The following CNBD1 variants were observed in gnomAD, a reference collection of about 807,000 sequenced individuals.
The protein encoded by CNBD1 is cyclic nucleotide binding domain containing 1, also known as cyclic nucleotide-binding domain-containing protein 1.
CNBD1 carries 71 observed loss-of-function variants against 54.4 expected under a neutral mutation model. That is an observed-to-expected ratio of 1.30 (90% CI 1.08 to 1.59). The LOEUF is 1.59. Among genes scored for constraint, CNBD1 ranks in the 40% most tolerant of loss-of-function variants. CNBD1 has a pLI of 0.00. For missense variants in CNBD1, 659 were observed against 518.0 expected (o/e 1.27, Z -2.64); for synonymous variants, 182 against 170.7 (o/e 1.07, Z -0.51).
At chr8:87,019,898 T>G (rs1404356574) in intron 4 of CNBD1, among the ~76,000 whole-genome samples, 1 of 152,036 alleles carries the variant, frequency 6.6e-6, no homozygotes, top group Non-Finnish European at 1.5e-5. Context: ...AAAGATTACA[T>G]TTATTAAATT....
intron 4 of CNBD1, among the ~76,000 whole-genome samples, chr8:87,194,698 T>A (rs996759455): frequency 6.6e-6 from 1 of 152,208 alleles, no homozygotes; most frequent in African/African-American, 2.4e-5. Context: ...AATTCCATTT[T>A]AAATGAGTAA....
At chr8:87,173,816 G>A (rs1811155164) in intron 4 of CNBD1, among the ~76,000 whole-genome samples, 1 of 151,772 alleles carries the variant, frequency 6.6e-6, no homozygotes, top group Non-Finnish European at 1.5e-5. Context: ...GGTTTGGAAA[G>A]TTTCTGTTAT....
In CNBD1 at chr8:87,342,287, A is replaced by T. The variant is rs561284460; in HGVS notation, c.1043-9398A>T. Among the ~76,000 whole-genome samples the T allele has an allele frequency of 5.3e-5, 8 of 152,062 alleles. No individual in the cohort carries two copies. In the South Asian group the frequency reaches 1.7e-3, roughly 32 times the overall value. On this transcript the variant is annotated intron_variant, in intron 8 of 10. Transcript: ENST00000518476. ...GACTCCATCTCAAAAAGAAAAAAAAAAAAAAGAAAACTCATCTGTGTACTC... is the reference window on the plus strand; with the variant it reads ...GACTCCATCTCAAAAAGAAAAAAAATAAAAAGAAAACTCATCTGTGTACTC...
intron 2 of CNBD1, among the ~76,000 whole-genome samples, chr8:87,423,595 T>G (rs1414870932): frequency 1.1e-4 from 16 of 147,660 alleles, no homozygotes; most frequent in African/African-American, 2.1e-4. Flanking sequence ...TTTGCGTATA[T>G]TGAACCAGCC....
chr8:87,277,063 G>T (rs186123111), intron 6 of CNBD1, among the ~76,000 whole-genome samples: 1 of 141,656 alleles, frequency 7.1e-6, no homozygotes, highest in African/African-American at 2.7e-5. Flanking sequence ...GAATCATGAT[G>T]GGTCATTTAT....
intron 5 of CNBD1, among the ~76,000 whole-genome samples, chr8:87,228,130 T>A (rs1260593380): frequency 6.6e-6 from 1 of 150,842 alleles, no homozygotes; most frequent in African/African-American, 2.5e-5. Context: ...GTTATTCTAG[T>A]TATACATTCT....
In CNBD1 at chr8:87,357,258, G is replaced by A. The variant is rs188167216; in HGVS notation, c.1303+3472G>A. 3.9e-3 allele frequency among the ~76,000 whole-genome samples: 591 copies of A among 152,228 alleles called. 8 individuals are homozygous for A. The highest frequency in any genetic ancestry group is 0.013 in the African/African-American group (557 of 41,512). On this transcript the variant is annotated intron_variant, in intron 10 of 10. Coordinates refer to ENST00000518476, the MANE Select transcript of CNBD1 (RefSeq NM_173538.3). Reference sequence around the variant, plus strand: ...CCATTGGGGCACTGCCTAGTGAACTGTAAGAAGTGGGCTGCCACCCTCCAG... The same window carrying A: ...CCATTGGGGCACTGCCTAGTGAACTATAAGAAGTGGGCTGCCACCCTCCAG...
Position 86,866,527 on chromosome 8 carries a change from T to C in CNBD1, c.32T>C (p.Leu11Ser). Residue 11 changes from leucine to serine, a missense_variant, in exon 1 of 11, where the codon TTG becomes TCG. Physicochemically the swap from Leu to Ser is moderately radical, Grantham distance 145. Coordinates refer to ENST00000518476, the MANE Select transcript of CNBD1 (RefSeq NM_173538.3). Reference sequence around the variant, plus strand: ...ATGTCTTCTCTTCCAGCAGCTATTTTGTCTCACATGACAGCTATTAACAAT... The same window carrying C: ...ATGTCTTCTCTTCCAGCAGCTATTTCGTCTCACATGACAGCTATTAACAAT... MPMSSLPAAI[L>S]SHMTAINNVP... The C allele has an allele frequency of 6.2e-7, 1 of 1,612,368 alleles. No individual in the cohort carries two copies. Among genetic ancestry groups the C allele is most frequent in the Non-Finnish European group, 8.5e-7 (1 of 1,179,300 alleles).
chr8:86,951,825 C>A (rs992100727), intron 4 of CNBD1, among the ~76,000 whole-genome samples: 1 of 151,628 alleles, frequency 6.6e-6, no homozygotes, highest in South Asian at 2.1e-4. Flanking sequence ...TCTTGGGATT[C>A]CCAAATCACT....
At chr8:86,963,527 G>T (rs1181120138) in intron 4 of CNBD1, among the ~76,000 whole-genome samples, 2 of 152,144 alleles carry the variant, frequency 1.3e-5, no homozygotes, top group Non-Finnish European at 2.9e-5. Flanking sequence ...CAACTGGCAG[G>T]GGCTGCTCTA....
intron 5 of CNBD1, among the ~76,000 whole-genome samples, chr8:87,207,647 G>A (rs1333192741): frequency 2.0e-5 from 3 of 151,948 alleles, no homozygotes; most frequent in African/African-American, 7.2e-5. Context: ...CTCTCACAAT[G>A]TGTTTATTTA....
rs570286107 is a variant in CNBD1 at position 87,275,884 on chromosome 8, A to G, written c.772-8794A>G. Among the ~76,000 whole-genome samples the G allele has an allele frequency of 3.3e-3, 503 of 152,120 alleles. 2 individuals carry two copies. The highest frequency in any genetic ancestry group is 0.012 in the African/African-American group (483 of 41,532). On this transcript the variant is annotated intron_variant, in intron 6 of 10. Transcript: ENST00000518476. The stretch of plus-strand genomic sequence containing the variant: ...AGCAACTTCAGCAAAGTCTCAGGAT[A>G]CAAAATCAATGTACAAAAATCACAA...
intron 5 of CNBD1, among the ~76,000 whole-genome samples, chr8:87,230,412 A>G (rs183972403): frequency 2.5e-4 from 38 of 152,320 alleles, no homozygotes; most frequent in East Asian, 9.7e-4. Context: ...ATATTTATCT[A>G]TATATACATT....
intron 4 of CNBD1, among the ~76,000 whole-genome samples, chr8:87,096,004 G>A (rs368202160): frequency 5.9e-5 from 9 of 152,270 alleles, no homozygotes; most frequent in African/African-American, 1.9e-4. Flanking sequence ...TTAACTGAAT[G>A]TAACCTCAGA....
At position 87,245,793 on chromosome 8, in the gene CNBD1, G is replaced by A. The variant is rs146137703; in HGVS notation, c.771+8681G>A. On this transcript the variant is annotated intron_variant, in intron 6 of 10. Transcript: ENST00000518476. ...GTAGTGATATAATTTTTTAATATAC[G>A]TGTTGCAAATATGATTTTTAAATAT... 8.6e-4 allele frequency among the ~76,000 whole-genome samples: 130 copies of A among 151,842 alleles called. 1 individual carries two copies. The highest frequency in any genetic ancestry group is 2.9e-3 in the African/African-American group (119 of 41,468).
intron 4 of CNBD1, among the ~76,000 whole-genome samples, chr8:86,952,747 G>T (rs190284833): frequency 2.2e-4 from 34 of 152,170 alleles, no homozygotes; most frequent in Middle Eastern, 3.4e-3. Flanking sequence ...TAAACTGTGC[G>T]ATGTGATAAC....
intron 6 of CNBD1, among the ~76,000 whole-genome samples, chr8:87,253,782 A>G (rs73265853): frequency 0.026 from 3,959 of 152,282 alleles, 166 homozygotes; most frequent in African/African-American, 0.09. Flanking sequence ...TGGGAGATTG[A>G]TTAGTGACCA....
intron 5 of CNBD1, among the ~76,000 whole-genome samples, chr8:87,214,444 G>T (rs1238045847): frequency 6.6e-6 from 1 of 152,046 alleles, no homozygotes; most frequent in Non-Finnish European, 1.5e-5. Flanking sequence ...ATCACTCTCA[G>T]CATTTTGGTT....
At chr8:87,308,558 C>T (rs544078721) in intron 8 of CNBD1, among the ~76,000 whole-genome samples, 1 of 152,114 alleles carries the variant, frequency 6.6e-6, no homozygotes, top group African/African-American at 2.4e-5. Flanking sequence ...TTAAAATATC[C>T]ATAATCTCAA....
Sources: allele counts gnomAD v4.1 joint callset (sites outside exome capture counted in the v4.1 genomes callset), GRCh38; gene constraint gnomAD v4.1.1; transcripts MANE v1.5; gene names NCBI Gene and HGNC (gene_info 2026-07-23, HGNC 2026-07-21).